PATJ: variants seen among roughly 807,000 people sequenced by gnomAD.
The protein encoded by PATJ is inaD-like protein.
Under a neutral mutation model 224.9 loss-of-function variants are expected in PATJ, and 190 were observed. The ratio of observed to expected loss-of-function variants is 0.84; its 90% confidence interval spans 0.75 to 0.95. PATJ has a LOEUF of 0.95. Among genes scored for constraint, PATJ ranks in the 40% least tolerant of loss-of-function variants. The probability of loss-of-function intolerance (pLI) is 0.00; values close to 1 mark genes in which losing one functional copy is unlikely to be tolerated. For missense variants in PATJ, 2,121 were observed against 2,270.3 expected (o/e 0.93, Z 1.34); for synonymous variants, 769 against 820.3 (o/e 0.94, Z 1.07).
chr1:61,870,263 A>G (rs1001848353), intron 20 of PATJ, among the ~76,000 whole-genome samples: 2 of 152,204 alleles, frequency 1.3e-5, no homozygotes, highest in Non-Finnish European at 2.9e-5. Context: ...AATCTTCCCC[A>G]GAAGTCCAGC....
At position 62,163,105 on chromosome 1, in the gene PATJ, T is replaced by C. The variant is rs979282797; in HGVS notation, c.*2051T>C. On this transcript the variant is annotated 3_prime_UTR_variant, in exon 44 of 44. Coordinates refer to ENST00000642238, the MANE Select transcript of PATJ (RefSeq NM_001350145.3). ...GTTATTTAATAAGTATAGATTTTAA[T>C]TGAGAATTATCTTTGAGTAGATGTA... is the stretch of plus-strand genomic sequence containing the variant. 5.4e-5 allele frequency: 9 copies of C among 165,830 alleles called. No homozygotes were observed. The highest frequency in any genetic ancestry group is 1.9e-4 in the African/African-American group (8 of 41,568). The allele number at this position is 165,830 out of a possible 1,614,324, so 10.3% of individuals were successfully genotyped here. A position where few individuals can be genotyped will look rare whatever the true frequency, so the allele number is the denominator to read the frequency against.
At chr1:61,928,848 T>G (rs1051180972) in intron 27 of PATJ, among the ~76,000 whole-genome samples, 1 of 152,126 alleles carries the variant, frequency 6.6e-6, no homozygotes, top group Admixed American at 6.6e-5. Context: ...TTAAGCTGAT[T>G]ATAAAAACTT....
chr1:62,118,314 G>A (rs1473728025), intron 37 of PATJ, among the ~76,000 whole-genome samples: 2 of 151,742 alleles, frequency 1.3e-5, no homozygotes, highest in African/African-American at 2.4e-5. Context: ...ATCAACAAAC[G>A]AAACAGTTGT....
intron 10 of PATJ, 80 bp from the exon 11 acceptor site, chr1:61,797,207 C>T: frequency 6.9e-7 from 1 of 1,440,502 alleles, no homozygotes. Flanking sequence ...AAGAAATTGC[C>T]TCATTTTATT....
intron 1 of PATJ, among the ~76,000 whole-genome samples, chr1:61,748,246 CTTTTTTTTTTTT>C (rs35918825): frequency 1.7e-4 from 11 of 65,108 alleles, no homozygotes; most frequent in Non-Finnish European, 2.7e-4. Context: ...GCCTTAATGC[CTTTTTTTTTTTT>C]TTTTTTTTTT....
chr1:62,021,753 T>A (rs1187805807), intron 29 of PATJ, among the ~76,000 whole-genome samples: 1 of 152,170 alleles, frequency 6.6e-6, no homozygotes, highest in Non-Finnish European at 1.5e-5. Flanking sequence ...AGAATCCTGA[T>A]TTTGCTTATT....
chr1:61,956,819 T>A (rs531213187), intron 27 of PATJ, among the ~76,000 whole-genome samples: 1 of 152,374 alleles, frequency 6.6e-6, no homozygotes, highest in Non-Finnish European at 1.5e-5. Context: ...AAGTCACATT[T>A]ATATGATCAT....
At chr1:62,097,181 AT>A (rs1661492490) in intron 33 of PATJ, among the ~76,000 whole-genome samples, 1 of 152,222 alleles carries the variant, frequency 6.6e-6, no homozygotes, top group Non-Finnish European at 1.5e-5. Context: ...ACACAGGTTT[AT>A]CTGGCCATAG....
At chr1:61,886,157 C>T (rs574572109) in intron 22 of PATJ, among the ~76,000 whole-genome samples, 3 of 151,126 alleles carry the variant, frequency 2.0e-5, no homozygotes, top group African/African-American at 7.3e-5. Context: ...TGCACATGTA[C>T]CCTAAAACTT....
chr1:61,864,281 A>T lies in PATJ; in HGVS notation c.2483A>T (p.Glu828Val). ...EPYFKEELVD[E>V]PFLDLGKSFH... Reference sequence around the variant, plus strand: ...TATTTTAAAGAAGAACTTGTGGATGAACCATTTCTAGATCTGGGAAAGTCT... The same window carrying T: ...TATTTTAAAGAAGAACTTGTGGATGTACCATTTCTAGATCTGGGAAAGTCT... Residue 828 changes from glutamate (E) to valine (V), a missense_variant, in exon 20 of 44, where the codon GAA becomes GTA. Coordinates refer to ENST00000642238, the MANE Select transcript of PATJ (RefSeq NM_001350145.3). 6.2e-7 allele frequency: 1 copy of T among 1,612,904 alleles called. No individual in the cohort carries two copies. Among genetic ancestry groups the T allele is most frequent in the Non-Finnish European group, 8.5e-7 (1 of 1,179,428 alleles).
chr1:61,965,409 ACAGTAATTATTATCT>A (rs1310311650), intron 27 of PATJ, among the ~76,000 whole-genome samples: 2 of 152,176 alleles, frequency 1.3e-5, no homozygotes, highest in Non-Finnish European at 2.9e-5. Flanking sequence ...GCATTTGAAT[ACAGTAATTATTATCT>A]TTAATATCTT....
chr1:61,914,500 T>TC, intron 25 of PATJ, 87 bp from the exon 26 acceptor site: 1 of 614,046 alleles, frequency 1.6e-6, no homozygotes, highest in Non-Finnish European at 2.9e-6. Flanking sequence ...AAAAAAATTC[T>TC]CCATTGTGGA....
chr1:62,067,920 C>T (rs1656754759), intron 31 of PATJ, among the ~76,000 whole-genome samples: 1 of 152,202 alleles, frequency 6.6e-6, no homozygotes, highest in African/African-American at 2.4e-5. Context: ...CCTACCTCAG[C>T]CTCCTGAGTA....
intron 33 of PATJ, among the ~76,000 whole-genome samples, chr1:62,102,849 T>A (rs1268674955): frequency 1.1e-5 from 1 of 91,400 alleles, no homozygotes; most frequent in African/African-American, 4.6e-5. Flanking sequence ...AACAGAGCAA[T>A]ACCCTGTCTC....
intron 39 of PATJ, 94 bp downstream of exon 39, chr1:62,123,152 G>A (rs888380687): frequency 5.8e-6 from 5 of 858,328 alleles, no homozygotes; most frequent in African/African-American, 3.4e-5. Flanking sequence ...TGGATTGTGA[G>A]TGTGCTCTTT....
rs534796905 is a variant in PATJ, at chr1:62,104,819, G to A, written c.4378-3618G>A. Among the ~76,000 whole-genome samples, 31 of 152,036 alleles carry A rather than the reference G, an allele frequency of 2.0e-4. 1 individual carries two copies. The highest frequency in any genetic ancestry group is 7.2e-4 in the African/African-American group (30 of 41,464). ...TCCGAGTAGCTGGGATTACAGGCAC[G>A]TGCCACCATGCCTGGCTAATTTTTG... On this transcript the variant is annotated intron_variant, in intron 33 of 43. Coordinates refer to ENST00000642238, the MANE Select transcript of PATJ (RefSeq NM_001350145.3).
chr1:62,148,419 T>A, intron 42 of PATJ, 29 bp downstream of exon 42: 1 of 1,497,502 alleles, frequency 6.7e-7, no homozygotes, highest in Non-Finnish European at 9.3e-7. Context: ...GAGGGCCTAT[T>A]ATGCATGTGG....
chr1:61,826,007 G>A (rs75691994), intron 15 of PATJ, among the ~76,000 whole-genome samples: 12,115 of 152,192 alleles, frequency 0.08, 558 homozygotes, highest in South Asian at 0.14. Context: ...AGGTTGACTT[G>A]CAGTTATCCC....
intron 20 of PATJ, among the ~76,000 whole-genome samples, chr1:61,872,766 C>T (rs755854360): frequency 3.3e-4 from 50 of 152,298 alleles, no homozygotes; most frequent in Non-Finnish European, 6.8e-4. Context: ...CCCACTCAGT[C>T]CTCTCTTGCT....
Sources: allele counts gnomAD v4.1 joint callset (sites outside exome capture counted in the v4.1 genomes callset), GRCh38; gene constraint gnomAD v4.1.1; transcripts MANE v1.5; gene names NCBI Gene and HGNC (gene_info 2026-07-23, HGNC 2026-07-21).